Variants in PKLR observed in about 807,000 individuals in gnomAD.
PKLR encodes the protein pyruvate kinase PKLR.
A neutral mutation model predicts 53.6 loss-of-function variants in PKLR; 38 were observed. That is an observed-to-expected ratio of 0.71 (90% CI 0.55 to 0.93). PKLR has a LOEUF of 0.93. Among genes scored for constraint, PKLR ranks in the 40% least tolerant of loss-of-function variants. The pLI, the probability that PKLR is intolerant of heterozygous loss-of-function variation, is 0.00. For synonymous variants in PKLR, 328 were observed against 316.2 expected (o/e 1.04, Z -0.39); for missense variants, 702 against 787.3 (o/e 0.89, Z 1.30).
At position 155,291,861 on chromosome 1, in the gene PKLR, G is replaced by C; in HGVS notation, c.1513C>G (p.Gln505Glu). 1 of 1,614,098 alleles carries C rather than the reference G, an allele frequency of 6.2e-7. No homozygotes were observed. Among genetic ancestry groups the C allele is most frequent in the Non-Finnish European group, 8.5e-7 (1 of 1,179,980 alleles). Residue 505 changes from glutamine (Q) to glutamate (E), a missense_variant, in exon 10 of 11, where the codon CAG (glutamine) becomes GAG (glutamate). This residue lies in a region of PKLR where 183 missense variants were observed against 250.2 expected (regional missense o/e 0.73). Coordinates refer to ENST00000342741, the MANE Select transcript of PKLR (RefSeq NM_000298.6). ...AAGACTCCTCGGCATAAGTGGACCT[G>C]GCGGGCAGCCTGGGCAGAGCGGGTG... is the stretch of plus-strand genomic sequence containing the variant. ...AVTRSAQAAR[Q>E]VHLCRGVFPL...
upstream of PKLR, among the ~76,000 whole-genome samples, chr1:155,302,232 C>A (rs377662605): frequency 2.8e-3 from 370 of 132,074 alleles, 3 homozygotes; most frequent in African/African-American, 0.01. Flanking sequence ...TTTTTCTTTT[C>A]TTTTCTTTTT....
At chr1:155,297,553 A>G (rs982776705) in intron 2 of PKLR, among the ~76,000 whole-genome samples, 2 of 152,128 alleles carry the variant, frequency 1.3e-5, no homozygotes, top group Non-Finnish European at 2.9e-5. Context: ...TGAGCCAGAA[A>G]TACTGCAGGG....
intron 2 of PKLR, among the ~76,000 whole-genome samples, chr1:155,297,403 A>G (rs1429530853): frequency 3.3e-5 from 5 of 151,748 alleles, no homozygotes. Context: ...CCTCAGAGTC[A>G]CCTGTCACCT....
Position 155,295,170 on chromosome 1 carries a change from C to T in PKLR, c.640G>A (p.Gly214Arg). The T allele has an allele frequency of 1.9e-6, 3 of 1,614,156 alleles. No individual in the cohort carries two copies. Among genetic ancestry groups the T allele is most frequent in the South Asian group, 1.1e-5 (1 of 91,090 alleles). Residue 214 changes from glycine to arginine, a missense_variant, in exon 5 of 11, where the codon GGG becomes AGG. Coordinates refer to ENST00000342741, the MANE Select transcript of PKLR (RefSeq NM_000298.6). This position sits in a 1 kb window ranked among gnomAD's most constrained non-coding sequence, Gnocchi z 4.3. ...CCGTCGTCAATGTAGATGCGGCCCC[C>T]CACCGGCACGACCCGGACAATATTG... is the stretch of plus-strand genomic sequence containing the variant. Reference protein sequence around the residue: ...YPNIVRVVPVGGRIYIDDGLI... With the variant: ...YPNIVRVVPVRGRIYIDDGLI...
At chr1:155,300,478 A>G (rs1395329725) in intron 1 of PKLR, among the ~76,000 whole-genome samples, 198 bp from the exon 2 acceptor site, 1 of 152,356 alleles carries the variant, frequency 6.6e-6, no homozygotes, top group East Asian at 1.9e-4. Context: ...ATAAAGAAAC[A>G]GAGGCTGAGA....
At chr1:155,303,549 C>T (rs1260580513), upstream of PKLR, among the ~76,000 whole-genome samples, 5 of 152,200 alleles carry the variant, frequency 3.3e-5, no homozygotes, top group East Asian at 9.6e-4. Flanking sequence ...ACAAACCTTG[C>T]AAGTGCTACT....
At position 155,293,151 on chromosome 1, in the gene PKLR, C is replaced by G. The variant is rs377078334; in HGVS notation, c.1436+26G>C. 5.6e-5 allele frequency: 80 copies of G among 1,430,876 alleles called. No homozygotes were observed. The highest frequency in any genetic ancestry group is 7.5e-5 in the Non-Finnish European group (78 of 1,036,022). 88.6% of individuals were successfully genotyped at this position (1,430,876 alleles called of 1,614,324 possible). ...GCCCACCCCTGACCCAAAGCTCCATCTGGACATTCCCAATATCCCCCTCAC... is the reference window on the plus strand; with the variant it reads ...GCCCACCCCTGACCCAAAGCTCCATGTGGACATTCCCAATATCCCCCTCAC... On this transcript the variant is annotated intron_variant, in intron 9 of 10. Coordinates refer to ENST00000342741, the MANE Select transcript of PKLR (RefSeq NM_000298.6). The surrounding 1 kb of genome is among the most constrained non-coding windows in gnomAD (Gnocchi z 4.2).
At chr1:155,291,366 C>A (rs1212924215) in intron 10 of PKLR, among the ~76,000 whole-genome samples, 3 of 151,866 alleles carry the variant, frequency 2.0e-5, no homozygotes, top group Non-Finnish European at 1.5e-5. Flanking sequence ...CGTGGTGGCG[C>A]ATGCCTGTAG....
intron 10 of PKLR, among the ~76,000 whole-genome samples, chr1:155,291,180 G>A (rs1333046318): frequency 6.6e-6 from 1 of 152,148 alleles, no homozygotes; most frequent in East Asian, 1.9e-4. Context: ...GGCATGCAGG[G>A]AATGTGACCA....
rs753748659 is a variant in PKLR at position 155,294,392 on chromosome 1, G to A, written c.966-7C>T. 39 of 1,614,096 alleles carry A rather than the reference G, an allele frequency of 2.4e-5. No homozygotes were observed. Among genetic ancestry groups the A allele is most frequent in the Admixed American group, 1.7e-4 (10 of 60,000 alleles). ...CTCCAGGATTTCATCAAACCTGAGA[G>A]GTTGGGAGAATCAAGGCAGAGGCAG... On this transcript the variant is annotated splice_region_variant and splice_polypyrimidine_tract_variant and intron_variant, in intron 6 of 10. Coordinates refer to ENST00000342741, the MANE Select transcript of PKLR (RefSeq NM_000298.6).
At chr1:155,301,253 C>A in intron 1 of PKLR, 43 bp downstream of exon 1, 1 of 1,610,388 alleles carries the variant, frequency 6.2e-7, no homozygotes, top group East Asian at 2.2e-5. Context: ...TTTTCACCCT[C>A]ATTTTCCTCC....
the PKLR span, among the ~76,000 whole-genome samples, chr1:155,308,371 A>C: frequency 2.0e-5 from 3 of 151,942 alleles, no homozygotes; most frequent in South Asian, 6.2e-4. Flanking sequence ...CCGGCCCAAG[A>C]CTCATCTTTC....
the PKLR span, among the ~76,000 whole-genome samples, chr1:155,308,168 C>A: frequency 6.7e-5 from 10 of 150,246 alleles, 1 homozygote; most frequent in South Asian, 2.1e-3. Context: ...TCAAGCGATT[C>A]TCCCGCCTCA....
rs573513816 is a variant in PKLR at position 155,294,756 on chromosome 1, C to T, written c.695-4G>A. On this transcript the variant is annotated splice_polypyrimidine_tract_variant and splice_region_variant and intron_variant, in intron 5 of 10. Coordinates refer to ENST00000342741, the MANE Select transcript of PKLR (RefSeq NM_000298.6). ...TGGGTCACCAGTCCCTCTGGGCCTG[C>T]GGACATGGAAAGAGCCAGCTGCGGT... 1.9e-6 allele frequency: 3 copies of T among 1,613,808 alleles called. No individual in the cohort carries two copies. The highest frequency in any genetic ancestry group is 2.2e-5 in the East Asian group (1 of 44,866).
At chr1:155,301,231 C>A (rs2148220779) in intron 1 of PKLR, 65 bp downstream of exon 1, 1 of 1,579,780 alleles carries the variant, frequency 6.3e-7, no homozygotes, top group Non-Finnish European at 8.7e-7. Flanking sequence ...TGCCCTCCAC[C>A]CTGGCTCCTA....
chr1:155,307,788 C>T, the PKLR span, among the ~76,000 whole-genome samples: 1 of 152,058 alleles, frequency 6.6e-6, no homozygotes, highest in Non-Finnish European at 1.5e-5. Flanking sequence ...ACCAGGCTGG[C>T]CAATCTGGAG....
At chr1:155,307,998 G>C in the PKLR span, among the ~76,000 whole-genome samples, 3 of 151,780 alleles carry the variant, frequency 2.0e-5, no homozygotes, top group South Asian at 4.2e-4. Flanking sequence ...GCTGGTCTCA[G>C]ATTCCTGACC....
At chr1:155,303,406 G>A (rs1321285366), upstream of PKLR, among the ~76,000 whole-genome samples, 1 of 152,102 alleles carries the variant, frequency 6.6e-6, no homozygotes, top group Non-Finnish European at 1.5e-5. Context: ...AATCTTTATC[G>A]AGCACCTACG....
At chr1:155,297,563 G>A (rs908520707) in intron 2 of PKLR, among the ~76,000 whole-genome samples, 2 of 152,040 alleles carry the variant, frequency 1.3e-5, no homozygotes, top group Admixed American at 1.3e-4. Flanking sequence ...ATACTGCAGG[G>A]GCACCCTTCC....
Sources: allele counts gnomAD v4.1 joint callset (sites outside exome capture counted in the v4.1 genomes callset), GRCh38; gene constraint gnomAD v4.1.1; regional missense constraint gnomAD v4.1.1; non-coding constraint Gnocchi (gnomAD v3.1); transcripts MANE v1.5; gene names NCBI Gene and HGNC (gene_info 2026-07-23, HGNC 2026-07-21).